The following TUNAR variants were observed in gnomAD, a reference collection of about 807,000 sequenced individuals.
TUNAR encodes the protein transmembrane neural differentiation associated intracellular calcium regulator, also known as protein TUNAR.
chr14:95,893,996 A>C (rs1471541971), intron 2 of TUNAR, among the ~76,000 whole-genome samples: 1 of 152,232 alleles, frequency 6.6e-6, no homozygotes, highest in African/African-American at 2.4e-5. Flanking sequence ...ATGCTGATTC[A>C]AAGTCGCAAG....
intron 2 of TUNAR, among the ~76,000 whole-genome samples, chr14:95,879,297 CTGTT>C (rs1442929455): frequency 1.3e-5 from 2 of 152,170 alleles, no homozygotes; most frequent in Admixed American, 6.5e-5. Context: ...GGTTTTGTGA[CTGTT>C]TGAAATTCAC....
intron 2 of TUNAR, among the ~76,000 whole-genome samples, chr14:95,916,030 ATT>A (rs1889599890): frequency 1.3e-5 from 2 of 152,350 alleles, no homozygotes; most frequent in South Asian, 4.1e-4. Flanking sequence ...TTGCTAATTA[ATT>A]TGTTTTAATA....
intron 2 of TUNAR, among the ~76,000 whole-genome samples, chr14:95,894,583 T>C (rs1889230057): frequency 6.6e-6 from 1 of 152,182 alleles, no homozygotes; most frequent in African/African-American, 2.4e-5. Context: ...TGGTGTAAAC[T>C]GTTCCCAATC....
At position 95,885,044 on chromosome 14, in the gene TUNAR, C is replaced by T. The variant is rs149301364; in HGVS notation, c.12+7867C>T. Among the ~76,000 whole-genome samples the T allele has an allele frequency of 1.9e-3, 287 of 152,270 alleles. 1 individual carries two copies. The highest frequency in any genetic ancestry group is 6.5e-3 in the African/African-American group (272 of 41,544). On this transcript the variant is annotated intron_variant, in intron 2 of 2. Transcript: ENST00000678517. ...ATTAACCTCCAAGGCGAGCTGAGTG[C>T]GTAACTGGAAGATCTGTGGGGTCTC... is the stretch of plus-strand genomic sequence containing the variant.
At chr14:95,881,437 T>G (rs914485256) in intron 2 of TUNAR, among the ~76,000 whole-genome samples, 2 of 152,104 alleles carry the variant, frequency 1.3e-5, no homozygotes, top group Non-Finnish European at 2.9e-5. Flanking sequence ...GCTAGGCTGC[T>G]CCTCCTGAAA....
intron 2 of TUNAR, among the ~76,000 whole-genome samples, chr14:95,915,939 T>C (rs1198753118): frequency 6.6e-6 from 1 of 152,262 alleles, no homozygotes; most frequent in Non-Finnish European, 1.5e-5. Context: ...CTGGTTACCA[T>C]GCGGGGCTTC....
chr14:95,916,979 A>T (rs2139671738), intron 2 of TUNAR, among the ~76,000 whole-genome samples: 1 of 152,268 alleles, frequency 6.6e-6, no homozygotes, highest in South Asian at 2.1e-4. Flanking sequence ...CTCATTTGAG[A>T]CTAGAATGAT....
intron 2 of TUNAR, among the ~76,000 whole-genome samples, chr14:95,901,100 A>G (rs1054390392): frequency 6.6e-6 from 1 of 152,072 alleles, no homozygotes. Flanking sequence ...TGGGTAAGAG[A>G]CAGTCCAGGC....
At chr14:95,888,189 T>TAAC (rs1288919770) in intron 2 of TUNAR, among the ~76,000 whole-genome samples, 1 of 152,234 alleles carries the variant, frequency 6.6e-6, no homozygotes, top group Non-Finnish European at 1.5e-5. Flanking sequence ...ATGGGCATAA[T>TAAC]AACAACAATT....
chr14:95,889,988 A>T lies in TUNAR; in HGVS notation c.12+12811A>T, dbSNP rs370467505. On this transcript the variant is annotated intron_variant, in intron 2 of 2. Transcript: ENST00000678517. ...AAAAAAAAAAAAAAACTGACAAATG[A>T]TTCTAAGCAATGGGAGATTTTTTTC... 2.7e-5 allele frequency among the ~76,000 whole-genome samples: 4 copies of T among 149,504 alleles called. No individual in the cohort carries two copies. The East Asian group carries it at 5.9e-4, about 22-fold the overall frequency.
intron 2 of TUNAR, among the ~76,000 whole-genome samples, chr14:95,891,329 C>T (rs550882268): frequency 1.8e-4 from 28 of 152,312 alleles, no homozygotes; most frequent in Middle Eastern, 3.4e-3. Context: ...GTGTTCATGA[C>T]GTCAACTTTG....
intron 2 of TUNAR, among the ~76,000 whole-genome samples, chr14:95,913,497 G>A (rs771423594): frequency 5.3e-5 from 8 of 152,162 alleles, no homozygotes; most frequent in East Asian, 1.9e-4. Context: ...TCAGTGAGTT[G>A]TAATCACACG....
chr14:95,886,979 G>T (rs2139654277), intron 2 of TUNAR, among the ~76,000 whole-genome samples: 1 of 152,284 alleles, frequency 6.6e-6, no homozygotes, highest in Non-Finnish European at 1.5e-5. Context: ...GGTTTCTGAA[G>T]CTTGTGTGGA....
chr14:95,914,372 C>A (rs1889568569), intron 2 of TUNAR, among the ~76,000 whole-genome samples: 3 of 152,150 alleles, frequency 2.0e-5, no homozygotes, highest in Non-Finnish European at 4.4e-5. Flanking sequence ...AAACAGGGAG[C>A]AATGTGATTT....
chr14:95,902,122 G>A (rs542732186), intron 2 of TUNAR, among the ~76,000 whole-genome samples: 11 of 152,112 alleles, frequency 7.2e-5, no homozygotes, highest in Admixed American at 2.0e-4. Flanking sequence ...GGAGAGTAGC[G>A]GGAATTTAGA....
At chr14:95,885,033 C>T (rs935372113) in intron 2 of TUNAR, among the ~76,000 whole-genome samples, 7 of 152,174 alleles carry the variant, frequency 4.6e-5, no homozygotes, top group East Asian at 1.9e-4. Context: ...ACCTCCAAGG[C>T]GAGCTGAGTG....
intron 2 of TUNAR, among the ~76,000 whole-genome samples, chr14:95,890,963 TAAC>T (rs1889169937): frequency 6.6e-6 from 1 of 152,110 alleles, no homozygotes; most frequent in Admixed American, 6.5e-5. Flanking sequence ...AAATCATTGT[TAAC>T]AACAATAATA....
intron 2 of TUNAR, among the ~76,000 whole-genome samples, chr14:95,908,057 C>G (rs1031495875): frequency 1.3e-5 from 2 of 152,198 alleles, no homozygotes; most frequent in Non-Finnish European, 2.9e-5. Context: ...CAGTCTGGCC[C>G]CCAGCCTTCA....
Sources: allele counts gnomAD v4.1 joint callset (sites outside exome capture counted in the v4.1 genomes callset), GRCh38; gene constraint gnomAD v4.1.1; transcripts MANE v1.5; gene names NCBI Gene and HGNC (gene_info 2026-07-23, HGNC 2026-07-21).